The following PORCN variants were observed in gnomAD, a reference collection of about 807,000 sequenced individuals.
PORCN encodes the protein protein-serine O-palmitoleoyltransferase porcupine.
Under a neutral mutation model 43.0 loss-of-function variants are expected in PORCN, and 1 was observed. The observed-to-expected ratio is 0.02, with a 90% confidence interval of 0.01 to 0.11. The LOEUF (loss-of-function observed/expected upper bound fraction) is 0.11, where lower values mean the gene tolerates loss of function less well. PORCN is among the 10% of genes least tolerant of loss of function. The probability of loss-of-function intolerance (pLI) is 1.00; values close to 1 mark genes in which losing one functional copy is unlikely to be tolerated. For synonymous variants in PORCN, 148 were observed against 166.4 expected (o/e 0.89, Z 0.85); for missense variants, 240 against 392.1 (o/e 0.61, Z 3.28).
At chrX:48,518,512 C>T (rs945975953) in intron 14 of PORCN, among the ~76,000 whole-genome samples, 31 of 111,970 alleles carry the variant, frequency 2.8e-4, no homozygotes, top group Non-Finnish European at 5.6e-4. Flanking sequence ...TGAGCCACCA[C>T]GCCCGGCCAA....
Position 48,515,880 on chromosome X carries a change from A to G in PORCN, c.1024-10A>G, listed in dbSNP as rs1556975179. ...CCTCACTCATTTCATTGTCATCTGC[A>G]TTCCCCCAGGGCTTCAGTTTCCACC... On this transcript the variant is annotated splice_polypyrimidine_tract_variant and intron_variant, in intron 11 of 14. Coordinates refer to ENST00000326194, the MANE Select transcript of PORCN (RefSeq NM_203475.3). 7 of 1,210,940 alleles carry G rather than the reference A, an allele frequency of 5.8e-6. No individual in the cohort carries two copies. Among genetic ancestry groups the G allele is most frequent in the Admixed American group, 2.2e-5 (1 of 46,027 alleles).
chrX:48,511,492 G>A lies in PORCN; in HGVS notation c.329+5G>A. On this transcript the variant is annotated splice_donor_5th_base_variant and intron_variant, in intron 3 of 14. Coordinates refer to ENST00000326194, the MANE Select transcript of PORCN (RefSeq NM_203475.3). ...CCTCATCTACCTACTCATGGGGTATGAGTATGCATCCTTATCCTCACACTG... is the reference window on the plus strand; with the variant it reads ...CCTCATCTACCTACTCATGGGGTATAAGTATGCATCCTTATCCTCACACTG... The A allele has an allele frequency of 8.3e-7, 1 of 1,200,710 alleles. No homozygotes were observed. The highest frequency in any genetic ancestry group is 2.3e-4 in the Middle Eastern group (1 of 4,327).
In PORCN at chrX:48,512,496, G is replaced by A; in HGVS notation, c.544G>A (p.Gly182Ser). ...SFHSYLQAVQGRPLSCRWLQK... is the reference protein window; with the variant it reads ...SFHSYLQAVQSRPLSCRWLQK... ...CCACAGCTACCTACAAGCTGTCCAA[G>A]GCCGCCCACTGGTGAGGTCCTGAGT... Residue 182 changes from glycine (G) to serine (S), a missense_variant, in exon 5 of 15, where the codon GGC becomes AGC. Transcript: ENST00000326194. 1.7e-6 allele frequency: 2 copies of A among 1,206,376 alleles called. No homozygotes were observed. Among genetic ancestry groups the A allele is most frequent in the Non-Finnish European group, 2.2e-6 (2 of 892,702 alleles).
chrX:48,515,415 A>C (rs1000312686), intron 10 of PORCN: 20 of 385,804 alleles, frequency 5.2e-5, no homozygotes, highest in Non-Finnish European at 4.6e-6. Context: ...TGAAGGTGGA[A>C]CTCACACAAT....
chrX:48,516,436 A>G (rs1298469037), intron 13 of PORCN, among the ~76,000 whole-genome samples: 2 of 112,002 alleles, frequency 1.8e-5, no homozygotes, highest in Non-Finnish European at 3.8e-5. Context: ...TCCCAGCCCT[A>G]TGGGACAAAC....
intron 14 of PORCN, among the ~76,000 whole-genome samples, chrX:48,518,832 T>G (rs782166207): frequency 2.7e-5 from 3 of 109,375 alleles, no homozygotes; most frequent in Non-Finnish European, 5.7e-5. Flanking sequence ...TTTTTTTTTT[T>G]GAGACACGGT....
chrX:48,512,692 C>A lies in PORCN; in HGVS notation c.659C>A (p.Pro220His). ...VGPYLFPYFI[P>H]LNGDRLLRNK... ...CCCTACCTCTTCCCGTACTTCATCC[C>A]CCTCAACGGTGACCGCCTCCTTCGC... Residue 220 changes from proline (P) to histidine (H), a missense_variant, in exon 6 of 15, where the codon CCC becomes CAC. Coordinates refer to ENST00000326194, the MANE Select transcript of PORCN (RefSeq NM_203475.3). 1 of 1,212,017 alleles carries A rather than the reference C, an allele frequency of 8.3e-7. No homozygotes were observed. Among genetic ancestry groups the A allele is most frequent in the East Asian group, 3.0e-5 (1 of 33,854 alleles).
At chrX:48,518,250 T>A in intron 14 of PORCN, among the ~76,000 whole-genome samples, 1 of 110,010 alleles carries the variant, frequency 9.1e-6, no homozygotes, top group South Asian at 3.9e-4. Context: ...GACGGAGTCT[T>A]GCTCTTGTTG....
chrX:48,514,182 G>A (rs2061697337), intron 8 of PORCN, 41 bp downstream of exon 8: 14 of 1,210,314 alleles, frequency 1.2e-5, no homozygotes, highest in African/African-American at 3.5e-5. Flanking sequence ...GACATGTGGT[G>A]GGGTATCATG....
chrX:48,514,781 G>GA (rs1569478408), intron 10 of PORCN, among the ~76,000 whole-genome samples, 156 bp downstream of exon 10: 2 of 109,763 alleles, frequency 1.8e-5, no homozygotes, highest in African/African-American at 6.6e-5. Context: ...ATAAATACGA[G>GA]AAAAAAAATA....
At chrX:48,513,962 A>C (rs2061694839) in intron 7 of PORCN, among the ~76,000 whole-genome samples, 165 bp from the exon 8 acceptor site, 1 of 112,869 alleles carries the variant, frequency 8.9e-6, no homozygotes, top group Non-Finnish European at 1.9e-5. Flanking sequence ...GAGCCACATA[A>C]GACTAACTGC....
At chrX:48,517,332 G>A in intron 14 of PORCN, 39 bp downstream of exon 14, 1 of 947,378 alleles carries the variant, frequency 1.1e-6, no homozygotes. Context: ...AACCAAGGGT[G>A]GCGCTATCTG....
intron 3 of PORCN, 49 bp downstream of exon 3, chrX:48,511,536 T>G: frequency 9.2e-7 from 1 of 1,092,834 alleles, no homozygotes; most frequent in East Asian, 3.0e-5. Flanking sequence ...AGTGCATGGG[T>G]GGGTCCCCAG....
intron 10 of PORCN, chrX:48,515,307 G>A (rs782619455): frequency 2.7e-5 from 7 of 257,438 alleles, no homozygotes; most frequent in African/African-American, 1.7e-4. Flanking sequence ...AAGAGGGATC[G>A]AGGATGCAGC....
rs368248747 is a variant in PORCN, at chrX:48,520,597, AACACACAC to A, written c.*139_*146del. On this transcript the variant is annotated 3_prime_UTR_variant, in exon 15 of 15. Coordinates refer to ENST00000326194, the MANE Select transcript of PORCN (RefSeq NM_203475.3). ...CTCCATCCTTGACCCCCAACACCTC[AACACACAC>A]ACACACACACACACACAAAATCACA... 1 of 487,234 alleles carries A rather than the reference AACACACAC, an allele frequency of 2.1e-6. No individual in the cohort carries two copies. Among genetic ancestry groups the A allele is most frequent in the Admixed American group, 2.7e-5 (1 of 36,374 alleles). The allele number at this position is 487,234 out of a possible 1,213,427, so 40.2% of individuals were successfully genotyped here.
chrX:48,514,602 C>G lies in PORCN; in HGVS notation c.923C>G (p.Pro308Arg). 1 of 1,209,945 alleles carries G rather than the reference C, an allele frequency of 8.3e-7. No individual in the cohort carries two copies. The highest frequency in any genetic ancestry group is 1.1e-6 in the Non-Finnish European group (1 of 893,737). ...GAAGTTGTCACAAGCTGGAACCTGC[C>G]CATGTCTTATTGGCTAAATAACTGT... is the stretch of plus-strand genomic sequence containing the variant. ...MVEVVTSWNL[P>R]MSYWLNNYVF... The change falls in exon 10 of 15, where the codon CCC becomes CGC. Residue 308 changes from proline to arginine, a missense_variant. By Grantham distance (103) the Pro-to-Arg change is moderately radical. Transcript: ENST00000326194.
intron 1 of PORCN, chrX:48,509,480 A>G (rs2061658679): frequency 2.1e-6 from 2 of 967,694 alleles, no homozygotes; most frequent in East Asian, 6.8e-5. Flanking sequence ...CCCATTTGAT[A>G]TATGGGCCTG....
chrX:48,511,315 C>T lies in PORCN; in HGVS notation c.157C>T (p.His53Tyr). 8.3e-7 allele frequency: 1 copy of T among 1,210,452 alleles called. No homozygotes were observed. Among genetic ancestry groups the T allele is most frequent in the Non-Finnish European group, 1.1e-6 (1 of 894,728 alleles). ...WRLGLPSYLKHASTVAGGFFS... is the reference protein window; with the variant it reads ...WRLGLPSYLKYASTVAGGFFS... ...CAAAGGGTTGCCATCCTACCTGAAG[C>T]ATGCAAGCACCGTGGCAGGCGGGTT... The change falls in exon 3 of 15, where the codon CAT (histidine) becomes TAT (tyrosine). Residue 53 changes from histidine to tyrosine, a missense_variant. His to Tyr is a moderately conservative substitution (Grantham distance 83). Transcript: ENST00000326194.
Position 48,515,882 on chromosome X carries a change from T to G in PORCN, c.1024-8T>G. On this transcript the variant is annotated splice_region_variant and splice_polypyrimidine_tract_variant and intron_variant, in intron 11 of 14. Transcript: ENST00000326194. ...TCACTCATTTCATTGTCATCTGCAT[T>G]CCCCCAGGGCTTCAGTTTCCACCTG... 1 of 1,210,739 alleles carries G rather than the reference T, an allele frequency of 8.3e-7. No individual in the cohort carries two copies. The highest frequency in any genetic ancestry group is 1.1e-6 in the Non-Finnish European group (1 of 894,873).
Sources: gnomAD v4.1 joint callset for allele counts (sites outside exome capture counted in the v4.1 genomes callset) on GRCh38, gnomAD v4.1.1 for gene constraint, MANE v1.5 for transcripts, NCBI Gene and HGNC (gene_info 2026-07-23, HGNC 2026-07-21) for gene names.